The following FGD5 variants were observed in gnomAD, a reference collection of about 807,000 sequenced individuals.
FGD5 encodes FYVE, RhoGEF and PH domain-containing protein 5.
A neutral mutation model predicts 133.4 loss-of-function variants in FGD5; 28 were observed. That is an observed-to-expected ratio of 0.21 (90% CI 0.16 to 0.29). FGD5 has a LOEUF of 0.29. FGD5 is among the 10% of genes least tolerant of loss of function. The probability of loss-of-function intolerance (pLI) is 1.00; values close to 1 mark genes in which losing one functional copy is unlikely to be tolerated. For synonymous variants in FGD5, 810 were observed against 776.5 expected (o/e 1.04, Z -0.72); for missense variants, 1,858 against 1,895.2 (o/e 0.98, Z 0.36).
In FGD5 at chr3:14,880,622, A is replaced by T; in HGVS notation, c.2709A>T (p.Ser903=). Residue 903 remains serine (S), a synonymous_variant, in exon 3 of 20, where the codon TCA becomes TCT. Coordinates refer to ENST00000285046, the MANE Select transcript of FGD5 (RefSeq NM_152536.4). ...TCATCGCACAGGAACTGCTATCTTCAGAGAAAGCGTGAGTCCCCAAGGAGC... is the reference window on the plus strand; with the variant it reads ...TCATCGCACAGGAACTGCTATCTTCTGAGAAAGCGTGAGTCCCCAAGGAGC... ...ALVIAQELLS[S]EKAYVEMLQH... 3.1e-6 allele frequency: 5 copies of T among 1,614,054 alleles called. No individual in the cohort carries two copies. Among genetic ancestry groups the T allele is most frequent in the Non-Finnish European group, 3.4e-6 (4 of 1,179,908 alleles).
At chr3:14,817,047 T>C (rs2036379996), upstream of FGD5, among the ~76,000 whole-genome samples, 1 of 152,164 alleles carries the variant, frequency 6.6e-6, no homozygotes, top group South Asian at 2.1e-4. Flanking sequence ...AATTGAAGTG[T>C]GCTGCAAATG....
intron 7 of FGD5, 56 bp from the exon 8 acceptor site, chr3:14,900,347 G>C: frequency 6.3e-7 from 1 of 1,579,468 alleles, no homozygotes; most frequent in Non-Finnish European, 8.7e-7. Flanking sequence ...CACAGTTGTG[G>C]GCAGGAGGGG....
intron 2 of FGD5, among the ~76,000 whole-genome samples, chr3:14,868,690 TCTC>T (rs1450815970): frequency 6.6e-6 from 1 of 152,184 alleles, no homozygotes; most frequent in African/African-American, 2.4e-5. Flanking sequence ...ACAATACTCA[TCTC>T]CTAGTGAACA....
intron 1 of FGD5, among the ~76,000 whole-genome samples, chr3:14,823,562 C>G (rs904032500): frequency 6.6e-5 from 10 of 152,184 alleles, no homozygotes. Context: ...GACACAAGTC[C>G]TGTTACAGAA....
intron 1 of FGD5, among the ~76,000 whole-genome samples, chr3:14,857,477 C>A (rs2037306541): frequency 6.6e-6 from 1 of 152,114 alleles, no homozygotes; most frequent in Admixed American, 6.6e-5. Flanking sequence ...TTTTGGCCTC[C>A]AAACTATCTC....
At chr3:14,925,251 G>T (rs538227813) in intron 17 of FGD5, among the ~76,000 whole-genome samples, 1 of 151,972 alleles carries the variant, frequency 6.6e-6, no homozygotes, top group East Asian at 1.9e-4. Flanking sequence ...ATGGAACCTT[G>T]TGGAAATTTT....
intron 1 of FGD5, among the ~76,000 whole-genome samples, chr3:14,822,113 AAAAG>A (rs200388462): frequency 0.011 from 1,618 of 152,258 alleles, 31 homozygotes; most frequent in African/African-American, 0.037. Flanking sequence ...AAATAAAAAA[AAAAG>A]AAAAGAAAAA....
intron 10 of FGD5, among the ~76,000 whole-genome samples, chr3:14,909,644 C>G (rs2038408015): frequency 6.6e-6 from 1 of 152,094 alleles, no homozygotes; most frequent in Non-Finnish European, 1.5e-5. Flanking sequence ...TTCACAAATG[C>G]AAATGTACAA....
intron 4 of FGD5, among the ~76,000 whole-genome samples, chr3:14,892,496 G>A (rs2125128056): frequency 6.6e-6 from 1 of 152,228 alleles, no homozygotes; most frequent in African/African-American, 2.4e-5. Context: ...ACTGCATCTG[G>A]CCTAAAGAAG....
intron 12 of FGD5, among the ~76,000 whole-genome samples, chr3:14,918,190 T>C (rs1307213451): frequency 6.6e-6 from 1 of 151,672 alleles, no homozygotes; most frequent in African/African-American, 2.4e-5. Context: ...GAGCAGGAGG[T>C]TTTAGGAAGT....
At chr3:14,825,612 G>T (rs1413940507) in intron 1 of FGD5, among the ~76,000 whole-genome samples, 1 of 152,050 alleles carries the variant, frequency 6.6e-6, no homozygotes, top group Admixed American at 6.6e-5. Flanking sequence ...TCATGCCACT[G>T]CACTCCAGCC....
At chr3:14,838,219 G>T (rs2036854432) in intron 1 of FGD5, among the ~76,000 whole-genome samples, 1 of 152,070 alleles carries the variant, frequency 6.6e-6, no homozygotes, top group Admixed American at 6.6e-5. Flanking sequence ...TTTTCTGCAT[G>T]GACTTCTCCA....
intron 1 of FGD5, among the ~76,000 whole-genome samples, chr3:14,828,716 C>T (rs1362848541): frequency 1.3e-5 from 2 of 151,848 alleles, no homozygotes; most frequent in Admixed American, 1.3e-4. Context: ...CAATTAGAGC[C>T]TAGGGTGATA....
intron 9 of FGD5, among the ~76,000 whole-genome samples, chr3:14,902,383 G>A (rs2038256376): frequency 6.6e-6 from 1 of 152,100 alleles, no homozygotes; most frequent in African/African-American, 2.4e-5. Context: ...AGGAAGAGGG[G>A]CTGGCCTGGG....
At chr3:14,851,178 C>T (rs928421580) in intron 1 of FGD5, among the ~76,000 whole-genome samples, 3 of 152,066 alleles carry the variant, frequency 2.0e-5, no homozygotes, top group South Asian at 2.1e-4. Flanking sequence ...GTAGCTCAGA[C>T]GGACTCTAGT....
At chr3:14,875,277 G>A (rs932861116) in intron 2 of FGD5, among the ~76,000 whole-genome samples, 4 of 152,156 alleles carry the variant, frequency 2.6e-5, no homozygotes, top group Non-Finnish European at 5.9e-5. Flanking sequence ...GCTTGAAACA[G>A]CCATGGAAGG....
At chr3:14,878,531 GC>G (rs1291645442) in intron 2 of FGD5, among the ~76,000 whole-genome samples, 1 of 152,144 alleles carries the variant, frequency 6.6e-6, no homozygotes, top group Non-Finnish European at 1.5e-5. Flanking sequence ...CTTGCTGTGT[GC>G]CAGGCACAGT....
rs181330730 is a variant in FGD5, at chr3:14,918,718, G to A, written c.3490-36G>A. 1,193 of 1,602,102 alleles carry A rather than the reference G, an allele frequency of 7.4e-4. 8 individuals carry two copies. Among genetic ancestry groups the A allele is most frequent in the Non-Finnish European group, 3.1e-4 (364 of 1,169,442 alleles). On this transcript the variant is annotated intron_variant, in intron 12 of 19. Transcript: ENST00000285046. Reference sequence around the variant, plus strand: ...AGCCGGTCTACACTTGCCCCTCCCTGCCCCACCCTGAAGGAGGCTGCTGTT... The same window carrying A: ...AGCCGGTCTACACTTGCCCCTCCCTACCCCACCCTGAAGGAGGCTGCTGTT...
At chr3:14,908,925 T>A (rs1167494686) in intron 10 of FGD5, among the ~76,000 whole-genome samples, 1 of 119,456 alleles carries the variant, frequency 8.4e-6, no homozygotes, top group Non-Finnish European at 1.9e-5. Flanking sequence ...AAAGGGAATT[T>A]ATTTATTTAT....
Sources: allele counts gnomAD v4.1 joint callset (sites outside exome capture counted in the v4.1 genomes callset), GRCh38; gene constraint gnomAD v4.1.1; transcripts MANE v1.5; gene names NCBI Gene and HGNC (gene_info 2026-07-23, HGNC 2026-07-21).